The following SKAP1 variants were observed in gnomAD, a reference collection of about 807,000 sequenced individuals.
SKAP1 encodes the protein src kinase-associated phosphoprotein 1.
SKAP1 carries 44 observed loss-of-function variants against 58.5 expected under a neutral mutation model. That is an observed-to-expected ratio of 0.75 (90% CI 0.59 to 0.97). SKAP1 has a LOEUF of 0.97. Ranked by LOEUF, SKAP1 falls within the 50% of genes least tolerant of loss-of-function variation. The pLI is 0.00. For missense variants in SKAP1, 390 were observed against 435.2 expected (o/e 0.90, Z 0.92); for synonymous variants, 127 against 149.7 (o/e 0.85, Z 1.11).
At chr17:48,236,167 G>A (rs188519613) in intron 4 of SKAP1, among the ~76,000 whole-genome samples, 550 of 152,250 alleles carry the variant, frequency 3.6e-3, no homozygotes, top group Non-Finnish European at 4.8e-3. Context: ...AATGCTTTCC[G>A]ATATTCCTTC....
chr17:48,306,751 A>T lies in SKAP1; in HGVS notation c.280+39154T>A, dbSNP rs144190956. Among the ~76,000 whole-genome samples, 552 of 152,358 alleles carry T rather than the reference A, an allele frequency of 3.6e-3. 3 individuals are homozygous for T. The highest frequency in any genetic ancestry group is 0.01 in the Middle Eastern group (3 of 294). On this transcript the variant is annotated intron_variant, in intron 4 of 12. Transcript: ENST00000336915. ...TCAATAACACCTTTAGACTACCATCAAGATTGTGAAAGTGATAATTTTTGG... is the reference window on the plus strand; with the variant it reads ...TCAATAACACCTTTAGACTACCATCTAGATTGTGAAAGTGATAATTTTTGG...
intron 2 of SKAP1, among the ~76,000 whole-genome samples, chr17:48,388,940 A>G (rs1315653348): frequency 6.6e-6 from 1 of 152,228 alleles, no homozygotes; most frequent in African/African-American, 2.4e-5. Flanking sequence ...AGAGTCACTC[A>G]CTAATATAAC....
At chr17:48,430,911 G>T (rs760830262), upstream of SKAP1, among the ~76,000 whole-genome samples, 1 of 152,154 alleles carries the variant, frequency 6.6e-6, no homozygotes, top group Non-Finnish European at 1.5e-5. Flanking sequence ...AAATCACACG[G>T]TCTCATTCAA....
intron 4 of SKAP1, among the ~76,000 whole-genome samples, chr17:48,220,305 T>C (rs1211538178): frequency 6.6e-6 from 1 of 152,150 alleles, no homozygotes; most frequent in Non-Finnish European, 1.5e-5. Context: ...AACCATACGT[T>C]TACCTACCAT....
chr17:48,165,921 G>T (rs1459319451), intron 10 of SKAP1, among the ~76,000 whole-genome samples: 2 of 151,976 alleles, frequency 1.3e-5, no homozygotes, highest in Non-Finnish European at 2.9e-5. Flanking sequence ...TGTCCATTTG[G>T]AATGAAAAAC....
intron 11 of SKAP1, among the ~76,000 whole-genome samples, chr17:48,155,212 C>T (rs2063958651): frequency 6.6e-6 from 1 of 151,760 alleles, no homozygotes; most frequent in Admixed American, 6.6e-5. Context: ...ACTGCAACCA[C>T]TGCCTCCCGG....
chr17:48,157,748 C>T lies in SKAP1; in HGVS notation c.978+4721G>A, dbSNP rs1398005281. On this transcript the variant is annotated intron_variant, in intron 11 of 12. Transcript: ENST00000336915. ...TTCACCATGTTGGCCAGGCTGGTCT[C>T]GAACTCCTGACCTCGGGTGATCTGC... 1.0e-3 allele frequency among the ~76,000 whole-genome samples: 146 copies of T among 140,784 alleles called. No homozygotes were observed. In the Middle Eastern group the frequency reaches 0.022, roughly 21 times the overall value. The allele number at this position is 140,784 out of a possible 152,430, so 92.4% of individuals were successfully genotyped here. A position where few individuals can be genotyped will look rare whatever the true frequency, so the allele number is the denominator to read the frequency against.
chr17:48,419,515 T>C (rs1183756264), intron 1 of SKAP1, among the ~76,000 whole-genome samples: 1 of 152,138 alleles, frequency 6.6e-6, no homozygotes, highest in Non-Finnish European at 1.5e-5. Context: ...ACTCCTGACC[T>C]CAGGTGATCC....
chr17:48,283,429 C>A (rs1302489399), intron 4 of SKAP1, among the ~76,000 whole-genome samples: 1 of 152,184 alleles, frequency 6.6e-6, no homozygotes, highest in African/African-American at 2.4e-5. Flanking sequence ...CACAGTTCAA[C>A]TTCCTCTTGG....
rs754416960 is a variant in SKAP1, at chr17:48,137,251, T to C, written c.1065A>G (p.Glu355=). The part of the protein sequence containing the change: ...VPKEYLTTAF[E]VEER ...TACCTGGGTTTCATCTTTCTTCCAC[T>C]TCAAAGGCAGTGGTGAGATACTCCT... is the stretch of plus-strand genomic sequence containing the variant. The change falls in exon 12 of 13, where the codon GAA becomes GAG. Residue 355 remains glutamate (E), a synonymous_variant. Transcript: ENST00000336915. 21 of 1,613,334 alleles carry C rather than the reference T, an allele frequency of 1.3e-5. No homozygotes were observed. Among genetic ancestry groups the C allele is most frequent in the Admixed American group, 3.3e-5 (2 of 59,984 alleles).
intron 4 of SKAP1, among the ~76,000 whole-genome samples, chr17:48,257,308 A>G (rs148896394): frequency 9.3e-4 from 141 of 152,238 alleles, no homozygotes; most frequent in Admixed American, 3.7e-3. Context: ...GGTTAAAAAA[A>G]TTGGCCTTTT....
At chr17:48,224,010 C>CAGAGAGAGAGAGAG (rs10633331) in intron 4 of SKAP1, among the ~76,000 whole-genome samples, 1 of 93,674 alleles carries the variant, frequency 1.1e-5, no homozygotes, top group Non-Finnish European at 2.1e-5. Flanking sequence ...AGATGGGAGA[C>CAGAGAGAGAGAGAG]AGAGAGAGAG....
intron 4 of SKAP1, among the ~76,000 whole-genome samples, chr17:48,327,824 G>A (rs1052574811): frequency 1.4e-4 from 22 of 152,094 alleles, no homozygotes; most frequent in Admixed American, 1.4e-3. Context: ...CAGAGACGGG[G>A]TTTTGCCATG....
intron 11 of SKAP1, among the ~76,000 whole-genome samples, chr17:48,157,742 T>G (rs1026916117): frequency 6.6e-6 from 1 of 151,688 alleles, no homozygotes; most frequent in Admixed American, 6.6e-5. Context: ...TTGGCCAGGC[T>G]GGTCTCGAAC....
chr17:48,369,040 G>T (rs2067048566), intron 2 of SKAP1, among the ~76,000 whole-genome samples: 1 of 152,000 alleles, frequency 6.6e-6, no homozygotes, highest in Admixed American at 6.6e-5. Context: ...TCAGCTACTT[G>T]GGAGTCGGAG....
At chr17:48,256,209 C>T (rs2065421983) in intron 4 of SKAP1, among the ~76,000 whole-genome samples, 1 of 151,598 alleles carries the variant, frequency 6.6e-6, no homozygotes, top group Non-Finnish European at 1.5e-5. Flanking sequence ...GGAGTTCACA[C>T]ATAGAACTAG....
chr17:48,234,502 T>A (rs182196527), intron 4 of SKAP1, among the ~76,000 whole-genome samples: 6 of 152,346 alleles, frequency 3.9e-5, no homozygotes. Context: ...ATGTGTCATC[T>A]GGCATGAGGT....
chr17:48,346,050 T>A (rs747705509), intron 3 of SKAP1, 44 bp from the exon 4 acceptor site: 1 of 1,243,694 alleles, frequency 8.0e-7, no homozygotes, highest in Non-Finnish European at 1.1e-6. Context: ...TCTTTGGGCA[T>A]CCTTATAAAA....
chr17:48,232,512 G>A (rs972952932), intron 4 of SKAP1, among the ~76,000 whole-genome samples: 1 of 152,172 alleles, frequency 6.6e-6, no homozygotes, highest in Admixed American at 6.5e-5. Context: ...CAACGGTAAA[G>A]GTTCCATTGT....
Sources: allele counts gnomAD v4.1 joint callset (sites outside exome capture counted in the v4.1 genomes callset), GRCh38; gene constraint gnomAD v4.1.1; transcripts MANE v1.5; gene names NCBI Gene and HGNC (gene_info 2026-07-23, HGNC 2026-07-21).